Variants in PDGFRA observed in about 807,000 individuals in gnomAD.
PDGFRA encodes platelet derived growth factor receptor alpha.
In PDGFRA, 25 loss-of-function variants were observed where a neutral mutation model predicts 121.5. The ratio of observed to expected loss-of-function variants is 0.21; its 90% CI spans 0.15 to 0.29. The LOEUF is 0.29. Among genes scored for constraint, PDGFRA ranks in the 10% least tolerant of loss-of-function variants. The pLI, the probability that PDGFRA is intolerant of heterozygous loss-of-function variation, is 1.00. For synonymous variants in PDGFRA, 463 were observed against 494.8 expected, an observed-to-expected ratio of 0.94 and a Z score of 0.85; for missense variants, 1,008 against 1,345.1, an observed-to-expected ratio of 0.75 and a Z score of 3.92.
chr4:54,250,489 A>G (rs1249754632), intron 1 of PDGFRA, among the ~76,000 whole-genome samples: 6 of 152,218 alleles, frequency 3.9e-5, no homozygotes, highest in Non-Finnish European at 5.9e-5. Flanking sequence ...CTATACTTAT[A>G]TAAATGTGTT....
intron 21 of PDGFRA, among the ~76,000 whole-genome samples, chr4:54,289,949 A>C (rs760011378): frequency 3.9e-5 from 6 of 152,224 alleles, no homozygotes; most frequent in Non-Finnish European, 7.3e-5. Context: ...TTTAAGGATC[A>C]TGAAGGCTTT....
chr4:54,259,722 C>G lies in PDGFRA; in HGVS notation c.49+905C>G, dbSNP rs548895214. 1.7e-4 allele frequency among the ~76,000 whole-genome samples: 26 copies of G among 152,326 alleles called. No individual in the cohort carries two copies. The South Asian group carries it at 2.5e-3, about 15-fold the overall frequency. Reference sequence around the variant, plus strand: ...CTAAGCTCCACTAAGTATACCCCATCTACAGAGTAATAGGTGATCCAGATG... The same window carrying G: ...CTAAGCTCCACTAAGTATACCCCATGTACAGAGTAATAGGTGATCCAGATG... On this transcript the variant is annotated intron_variant, in intron 2 of 22. Coordinates refer to ENST00000257290, the MANE Select transcript of PDGFRA (RefSeq NM_006206.6).
intron 3 of PDGFRA, among the ~76,000 whole-genome samples, chr4:54,261,959 C>T (rs1722768678): frequency 7.5e-6 from 1 of 134,146 alleles, no homozygotes; most frequent in Non-Finnish European, 1.5e-5. Context: ...AACAGGGTCT[C>T]ACTCTGTTGC....
intron 7 of PDGFRA, among the ~76,000 whole-genome samples, chr4:54,269,612 T>A (rs544316933): frequency 3.2e-4 from 47 of 147,072 alleles, no homozygotes; most frequent in African/African-American, 7.7e-4. Flanking sequence ...AGACATATAT[T>A]TTTTTTTTTT....
chr4:54,250,371 G>A (rs1238409250), intron 1 of PDGFRA, among the ~76,000 whole-genome samples: 1 of 152,112 alleles, frequency 6.6e-6, no homozygotes, highest in Admixed American at 6.6e-5. Flanking sequence ...AGTCCTTCTA[G>A]ATATTAGGTC....
intron 1 of PDGFRA, among the ~76,000 whole-genome samples, chr4:54,231,852 C>T (rs754019784): frequency 3.3e-5 from 5 of 152,268 alleles, no homozygotes; most frequent in Non-Finnish European, 7.3e-5. Context: ...TCCCAGGCTC[C>T]CAGCTCTGCG....
chr4:54,232,546 G>T (rs1720744575), intron 1 of PDGFRA, among the ~76,000 whole-genome samples: 1 of 152,234 alleles, frequency 6.6e-6, no homozygotes, highest in African/African-American at 2.4e-5. Flanking sequence ...GGGGGCAGAG[G>T]CGGCTATGGC....
chr4:54,265,128 A>G, intron 5 of PDGFRA, 79 bp downstream of exon 5: 1 of 1,322,806 alleles, frequency 7.6e-7, no homozygotes, highest in East Asian at 2.3e-5. Flanking sequence ...TCGGTCTGTC[A>G]CTGATGGGCA....
chr4:54,284,337 C>T (rs1011984392), intron 16 of PDGFRA, among the ~76,000 whole-genome samples: 10 of 152,268 alleles, frequency 6.6e-5, no homozygotes, highest in African/African-American at 2.2e-4. Context: ...CAGCAATTCC[C>T]CATTCCTTGA....
Position 54,289,805 on chromosome 4 carries a change from G to T in PDGFRA, c.2881-508G>T, listed in dbSNP as rs192388848. On this transcript the variant is annotated intron_variant, in intron 21 of 22. Transcript: ENST00000257290. ...CACTACAACTTTCACAGGTGAGGCA[G>T]TGAGGAGGCAGAAGGAAATTAACCC... Among the ~76,000 whole-genome samples the T allele has an allele frequency of 9.2e-5, 14 of 152,344 alleles. 1 individual carries two copies. The highest frequency in any genetic ancestry group is 2.9e-4 in the African/African-American group (12 of 41,584).
chr4:54,287,295 T>C (rs1724407707), intron 18 of PDGFRA, 135 bp from the exon 19 acceptor site: 3 of 746,904 alleles, frequency 4.0e-6, no homozygotes, highest in Admixed American at 1.8e-5. Context: ...ACAAAACACA[T>C]GTAAAAGACA....
chr4:54,296,375 T>A lies in PDGFRA; in HGVS notation c.*1103T>A, dbSNP rs2110361114. ...AGACTGGATTTGCAGAAGTTTTTTT[T>A]TTTTTTTTCTTCATGCCTGATGAAA... On this transcript the variant is annotated 3_prime_UTR_variant, in exon 23 of 23. Coordinates refer to ENST00000257290, the MANE Select transcript of PDGFRA (RefSeq NM_006206.6). The A allele has an allele frequency of 4.3e-6, 1 of 231,724 alleles. No individual in the cohort carries two copies. The highest frequency in any genetic ancestry group is 8.5e-6 in the Non-Finnish European group (1 of 117,128). The allele number at this position is 231,724 out of a possible 1,614,324, so 14.4% of individuals were successfully genotyped here.
rs116622133 is a variant in PDGFRA at position 54,280,787 on chromosome 4, T to C, written c.2323+305T>C. On this transcript the variant is annotated intron_variant, in intron 16 of 22. Transcript: ENST00000257290. ...AAAAAAATAATTATTTATTCTGATA[T>C]AATGAACTTCCTTTTTTATTGCTGT... The C allele has an allele frequency of 6.8e-3, 1,265 of 187,378 alleles. 11 individuals are homozygous for C. The highest frequency in any genetic ancestry group is 8.8e-3 in the Non-Finnish European group (789 of 89,174). 11.6% of individuals were successfully genotyped at this position (187,378 alleles called of 1,614,324 possible). A position where few individuals can be genotyped will look rare whatever the true frequency, so the allele number is the denominator to read the frequency against.
chr4:54,290,505 A>G lies in PDGFRA; in HGVS notation c.3073A>G (p.Ile1025Val), dbSNP rs1553906669. ...TGGCTACATCATTCCTCTGCCTGAC[A>G]TTGACCCTGTCCCTGAGGAGGAGGA... ...DSGYIIPLPDIDPVPEEEDLG... is the reference protein window; with the variant it reads ...DSGYIIPLPDVDPVPEEEDLG... The change falls in exon 22 of 23, where the codon ATT becomes GTT. Residue 1025 changes from isoleucine to valine, a missense_variant. Around this residue, in one of 5 missense-constraint regions of PDGFRA, gnomAD observed 204 missense variants for 243.0 expected, o/e 0.84. Transcript: ENST00000257290. The G allele has an allele frequency of 9.3e-6, 15 of 1,614,150 alleles. No individual in the cohort carries two copies. The highest frequency in any genetic ancestry group is 1.3e-5 in the African/African-American group (1 of 75,068).
intron 22 of PDGFRA, among the ~76,000 whole-genome samples, chr4:54,294,782 C>A (rs1724796397): frequency 6.6e-6 from 1 of 152,156 alleles, no homozygotes; most frequent in African/African-American, 2.4e-5. Flanking sequence ...CCCTGATGGG[C>A]CTGACTTCAC....
chr4:54,234,886 G>A (rs1471382281), intron 1 of PDGFRA, among the ~76,000 whole-genome samples: 1 of 152,188 alleles, frequency 6.6e-6, no homozygotes. Flanking sequence ...AATATATGGT[G>A]AGAGGAGAGC....
chr4:54,272,317 A>G, intron 8 of PDGFRA, 77 bp from the exon 9 acceptor site: 2 of 1,515,790 alleles, frequency 1.3e-6, no homozygotes, highest in Non-Finnish European at 1.8e-6. Context: ...TGAGTTGTGA[A>G]CTCATATTCC....
rs781762689 is a variant in PDGFRA, at chr4:54,263,839, G to A, written c.540G>A (p.Gly180=). ...ASYDSRQGFN[G]TFTVGPYICE... ...ACGACAGCAGACAGGGCTTTAATGG[G>A]ACCTTCACTGTAGGGCCCTATATCT... The change falls in exon 4 of 23, where the codon GGG becomes GGA. Residue 180 remains glycine, a synonymous_variant. Coordinates refer to ENST00000257290, the MANE Select transcript of PDGFRA (RefSeq NM_006206.6). 1.9e-6 allele frequency: 3 copies of A among 1,613,984 alleles called. No individual in the cohort carries two copies. Among genetic ancestry groups the A allele is most frequent in the East Asian group, 2.2e-5 (1 of 44,870 alleles).
At position 54,295,351 on chromosome 4, in the gene PDGFRA, G is replaced by C; in HGVS notation, c.*79G>C. 1 of 1,353,588 alleles carries C rather than the reference G, an allele frequency of 7.4e-7. No individual in the cohort carries two copies. Among genetic ancestry groups the C allele is most frequent in the Non-Finnish European group, 1.1e-6 (1 of 947,406 alleles). 83.8% of individuals were successfully genotyped at this position (1,353,588 alleles called of 1,614,324 possible). On this transcript the variant is annotated 3_prime_UTR_variant, in exon 23 of 23. Transcript: ENST00000257290. ...CAGAAAACCACTTTATTGCAATGCAGAGGTTGAGAGGAGGACTTGGTTGAT... is the reference window on the plus strand; with the variant it reads ...CAGAAAACCACTTTATTGCAATGCACAGGTTGAGAGGAGGACTTGGTTGAT...
Sources: allele counts gnomAD v4.1 joint callset (sites outside exome capture counted in the v4.1 genomes callset), GRCh38; gene constraint gnomAD v4.1.1; regional missense constraint gnomAD v4.1.1; transcripts MANE v1.5; gene names NCBI Gene and HGNC (gene_info 2026-07-23, HGNC 2026-07-21).